The following MAP3K13 variants were observed in gnomAD, a reference collection of about 807,000 sequenced individuals.
MAP3K13 encodes leucine zipper-bearing kinase.
A neutral mutation model predicts 104.0 loss-of-function variants in MAP3K13; 52 were observed. The ratio of observed to expected loss-of-function variants is 0.50; its 90% CI spans 0.40 to 0.63. The LOEUF is 0.63. Among genes scored for constraint, MAP3K13 ranks in the 20% least tolerant of loss-of-function variants. The pLI, the probability that MAP3K13 is intolerant of heterozygous loss-of-function variation, is 0.00. For synonymous variants in MAP3K13, 394 were observed against 442.2 expected (o/e 0.89, Z 1.37); for missense variants, 914 against 1,218.5 (o/e 0.75, Z 3.72).
intron 2 of MAP3K13, among the ~76,000 whole-genome samples, chr3:185,339,069 C>T (rs1341402087): frequency 6.6e-6 from 1 of 152,080 alleles, no homozygotes; most frequent in Non-Finnish European, 1.5e-5. Flanking sequence ...CCTATAATCC[C>T]AATACTTTGG....
rs201877429 is a variant in MAP3K13 at position 185,346,987 on chromosome 3, G to GTT, written c.-86+61362_-86+61363dup. 2.6e-3 allele frequency among the ~76,000 whole-genome samples: 329 copies of GTT among 127,656 alleles called. 5 individuals carry two copies. The highest frequency in any genetic ancestry group is 8.2e-3 in the Middle Eastern group (2 of 244). 83.7% of individuals were successfully genotyped at this position (127,656 alleles called of 152,430 possible). On this transcript the variant is annotated intron_variant, in intron 2 of 14. Transcript: ENST00000424227. ...CTGAGGTGTTCATAGCACAAAGGAA[G>GTT]TTTTTTTTTTTTTTTTTTTAGACAG...
chr3:185,433,441 A>T (rs934836319), intron 2 of MAP3K13, among the ~76,000 whole-genome samples: 10 of 152,198 alleles, frequency 6.6e-5, no homozygotes, highest in African/African-American at 2.4e-4. Context: ...TATCTCACTC[A>T]TCAATTATCT....
At chr3:185,380,772 C>T (rs1724678559) in intron 1 of MAP3K13, among the ~76,000 whole-genome samples, 1 of 152,024 alleles carries the variant, frequency 6.6e-6, no homozygotes, top group Non-Finnish European at 1.5e-5. Context: ...CTAATTAGCT[C>T]CCAAGTGATG....
intron 2 of MAP3K13, among the ~76,000 whole-genome samples, chr3:185,340,159 C>T (rs562129064): frequency 1.2e-4 from 18 of 151,948 alleles, no homozygotes; most frequent in African/African-American, 2.7e-4. Context: ...ATACTGAGCA[C>T]GAGATTATGA....
In MAP3K13 at chr3:185,485,666, A is replaced by C. The variant is rs1718681333; in HGVS notation, c.*3210A>C. On this transcript the variant is annotated 3_prime_UTR_variant, in exon 14 of 14. Coordinates refer to ENST00000265026, the MANE Select transcript of MAP3K13 (RefSeq NM_004721.5). The stretch of plus-strand genomic sequence containing the variant: ...CCTATTTAATTAATAATAGCCCCAA[A>C]GGGCAAGAGTGCTGTGCCTAATTTA... 1 of 151,986 alleles carries C rather than the reference A, an allele frequency of 6.6e-6. No homozygotes were observed. Among genetic ancestry groups the C allele is most frequent in the South Asian group, 2.1e-4 (1 of 4,808 alleles). 9.4% of individuals were successfully genotyped at this position (151,986 alleles called of 1,614,324 possible). A position where few individuals can be genotyped will look rare whatever the true frequency, so the allele number is the denominator to read the frequency against.
chr3:185,417,546 C>G (rs1399424174), intron 1 of MAP3K13: 21 of 1,611,232 alleles, frequency 1.3e-5, no homozygotes, highest in East Asian at 2.2e-5. Context: ...CTGCAGGCTT[C>G]TTTTCAGGGG....
chr3:185,396,596 T>G (rs1342287870), intron 1 of MAP3K13, among the ~76,000 whole-genome samples: 1 of 152,170 alleles, frequency 6.6e-6, no homozygotes, highest in Non-Finnish European at 1.5e-5. Context: ...TGTATGAAAT[T>G]ACTTTGGAAA....
At chr3:185,372,228 A>C (rs1724197315) in intron 1 of MAP3K13, among the ~76,000 whole-genome samples, 1 of 152,222 alleles carries the variant, frequency 6.6e-6, no homozygotes, top group Non-Finnish European at 1.5e-5. Context: ...ACTGCTGGGA[A>C]ATACTCACCT....
chr3:185,324,425 T>C (rs1188196501), intron 2 of MAP3K13, among the ~76,000 whole-genome samples: 1 of 152,218 alleles, frequency 6.6e-6, no homozygotes, highest in Non-Finnish European at 1.5e-5. Context: ...TTTATTATTT[T>C]ATTTTCTCGC....
At chr3:185,328,970 GT>G (rs995725486) in intron 2 of MAP3K13, 47 of 425,788 alleles carry the variant, frequency 1.1e-4, no homozygotes, top group Non-Finnish European at 1.3e-4. Flanking sequence ...GGTGTAAGTA[GT>G]TTTTTTTAAA....
chr3:185,391,763 T>C (rs957756013), intron 1 of MAP3K13, among the ~76,000 whole-genome samples: 1 of 152,140 alleles, frequency 6.6e-6, no homozygotes, highest in African/African-American at 2.4e-5. Flanking sequence ...CTTTTCCCTA[T>C]CATAAAGTAA....
chr3:185,360,391 T>C (rs1417803496), upstream of MAP3K13, among the ~76,000 whole-genome samples: 1 of 152,224 alleles, frequency 6.6e-6, no homozygotes, highest in Non-Finnish European at 1.5e-5. Context: ...GCTGTACTTC[T>C]CTAGAGTGTA....
At chr3:185,319,393 A>C (rs1190350260) in intron 2 of MAP3K13, among the ~76,000 whole-genome samples, 1 of 152,246 alleles carries the variant, frequency 6.6e-6, no homozygotes, top group Non-Finnish European at 1.5e-5. Context: ...GTGTCACGGC[A>C]CACATAGAAA....
chr3:185,308,009 C>CTTTTTTTTTTTTTTTTTTTTTT (rs33949195), intron 2 of MAP3K13, among the ~76,000 whole-genome samples: 21 of 31,562 alleles, frequency 6.7e-4, no homozygotes, highest in Non-Finnish European at 9.7e-4. Flanking sequence ...TCTTTGGGGT[C>CTTTTTTTTTTTTTTTTTTTTTT]TTTTTTTTTT....
intron 2 of MAP3K13, among the ~76,000 whole-genome samples, chr3:185,336,920 G>A (rs1238028100): frequency 6.6e-6 from 1 of 152,020 alleles, no homozygotes; most frequent in Non-Finnish European, 1.5e-5. Context: ...TTAATCATCT[G>A]TCTGTGTCTC....
At chr3:185,351,959 G>A (rs1177500667) in intron 2 of MAP3K13, among the ~76,000 whole-genome samples, 1 of 152,180 alleles carries the variant, frequency 6.6e-6, no homozygotes, top group East Asian at 1.9e-4. Flanking sequence ...CATGGTACAA[G>A]TTGACTCAGT....
At chr3:185,437,329 C>T (rs767375954) in intron 2 of MAP3K13, 118 bp from the exon 3 acceptor site, 27 of 771,042 alleles carry the variant, frequency 3.5e-5, no homozygotes, top group East Asian at 5.1e-5. Context: ...TATCTTTTGC[C>T]GGGAGACAGA....
chr3:185,316,555 C>A (rs1721681237), intron 2 of MAP3K13, among the ~76,000 whole-genome samples: 1 of 152,172 alleles, frequency 6.6e-6, no homozygotes, highest in Non-Finnish European at 1.5e-5. Context: ...GCAGGAGGTT[C>A]ACTTAAGCCC....
chr3:185,442,930 C>G (rs1172799646), intron 3 of MAP3K13, among the ~76,000 whole-genome samples: 1 of 152,106 alleles, frequency 6.6e-6, no homozygotes, highest in Non-Finnish European at 1.5e-5. Flanking sequence ...ACCTCCACCT[C>G]CCGGGTTCAA....
Sources: gnomAD v4.1 joint callset for allele counts (sites outside exome capture counted in the v4.1 genomes callset) on GRCh38, gnomAD v4.1.1 for gene constraint, MANE v1.5 for transcripts, NCBI Gene and HGNC (gene_info 2026-07-23, HGNC 2026-07-21) for gene names.